Variants in PDE10A observed in about 807,000 individuals in gnomAD.
The protein encoded by PDE10A is cAMP and cAMP-inhibited cGMP 3',5'-cyclic phosphodiesterase 10A.
PDE10A carries 39 observed loss-of-function variants against 97.7 expected under a neutral mutation model. The observed-to-expected ratio is 0.40, with a 90% confidence interval of 0.31 to 0.52. The LOEUF (loss-of-function observed/expected upper bound fraction) is 0.52. Ranked by LOEUF, PDE10A falls within the 20% of genes least tolerant of loss-of-function variation. The pLI is 0.56. For synonymous variants in PDE10A, 371 were observed against 376.8 expected, an observed-to-expected ratio of 0.98 and a Z score of 0.18; for missense variants, 731 against 1,047.8, an observed-to-expected ratio of 0.70 and a Z score of 4.17.
intron 1 of PDE10A, among the ~76,000 whole-genome samples, chr6:165,579,868 T>C (rs1346375218): frequency 5.3e-5 from 8 of 152,088 alleles, no homozygotes; most frequent in Non-Finnish European, 2.9e-5. Flanking sequence ...TTTCCTCAGG[T>C]GTCTACATCA....
chr6:165,626,177 A>C lies in PDE10A; in HGVS notation c.865+35770T>G, dbSNP rs574096811. ...CACATGCTGCCAAGAGGAAATTCTT[A>C]GTTCTCTCCCTCGCATAAGAAAGTC... On this transcript the variant is annotated intron_variant, in intron 1 of 21. Coordinates refer to ENST00000539869, the MANE Select transcript of PDE10A (RefSeq NM_001385079.1). Among the ~76,000 whole-genome samples the C allele has an allele frequency of 1.3e-4, 20 of 152,320 alleles. 1 individual carries two copies. The highest frequency in any genetic ancestry group is 4.8e-4 in the African/African-American group (20 of 41,574).
chr6:165,952,026 C>T (rs974024213), intron 1 of PDE10A, among the ~76,000 whole-genome samples: 1 of 152,234 alleles, frequency 6.6e-6, no homozygotes, highest in African/African-American at 2.4e-5. Context: ...ATCTCATTCT[C>T]GCAATAGCCT....
chr6:165,646,614 T>A (rs1424622404), intron 1 of PDE10A, among the ~76,000 whole-genome samples: 2 of 152,214 alleles, frequency 1.3e-5, no homozygotes, highest in Non-Finnish European at 2.9e-5. Flanking sequence ...GCACTGCTAG[T>A]CATCTGAGAT....
chr6:165,964,712 A>G lies in PDE10A; in HGVS notation c.-615+22817T>C, dbSNP rs553072117. On this transcript the variant is annotated intron_variant, in intron 1 of 19. Transcript: ENST00000366882. ...TAGAAGGAGATGGCCATGTAAATACATAATTACTGGAGAGATGTGTACATG... is the reference window on the plus strand; with the variant it reads ...TAGAAGGAGATGGCCATGTAAATACGTAATTACTGGAGAGATGTGTACATG... Among the ~76,000 whole-genome samples the G allele has an allele frequency of 5.9e-5, 9 of 152,346 alleles. No homozygotes were observed. The South Asian group carries it at 1.5e-3, about 25-fold the overall frequency.
intron 1 of PDE10A, among the ~76,000 whole-genome samples, chr6:165,979,544 A>G (rs1784947972): frequency 6.6e-6 from 1 of 152,352 alleles, no homozygotes; most frequent in Non-Finnish European, 1.5e-5. Context: ...CTATTAAATA[A>G]GATACTTGTT....
At chr6:165,502,842 T>C (rs536682168) in intron 2 of PDE10A, among the ~76,000 whole-genome samples, 3 of 151,660 alleles carry the variant, frequency 2.0e-5, no homozygotes, top group South Asian at 2.1e-4. Context: ...TAGAGGAGGG[T>C]GGAGGGTGTA....
chr6:165,530,873 C>T (rs1450875245), intron 2 of PDE10A, among the ~76,000 whole-genome samples: 1 of 152,132 alleles, frequency 6.6e-6, no homozygotes, highest in African/African-American at 2.4e-5. Flanking sequence ...CCAAACAATA[C>T]TATGAAAATT....
chr6:165,550,784 C>T (rs1783975491), intron 1 of PDE10A, among the ~76,000 whole-genome samples: 1 of 152,114 alleles, frequency 6.6e-6, no homozygotes, highest in East Asian at 1.9e-4. Flanking sequence ...CTGGAATGGG[C>T]TACATGAGCA....
At chr6:165,806,554 CG>C (rs1779146052) in intron 1 of PDE10A, among the ~76,000 whole-genome samples, 1 of 152,178 alleles carries the variant, frequency 6.6e-6, no homozygotes, top group African/African-American at 2.4e-5. Context: ...TGGCCTCACT[CG>C]TGGGATGTGC....
chr6:165,433,300 C>A (rs1014285643), intron 6 of PDE10A, among the ~76,000 whole-genome samples, 171 bp from the exon 7 acceptor site: 3 of 152,092 alleles, frequency 2.0e-5, no homozygotes, highest in African/African-American at 7.2e-5. Context: ...AAAATGCTTA[C>A]TTTTTCATGG....
At chr6:165,537,288 G>T (rs1783147729) in intron 2 of PDE10A, among the ~76,000 whole-genome samples, 1 of 152,028 alleles carries the variant, frequency 6.6e-6, no homozygotes, top group African/African-American at 2.4e-5. Flanking sequence ...GGGAACACCA[G>T]TGAGAAGAAA....
At chr6:165,565,164 T>C (rs1784713540) in intron 1 of PDE10A, among the ~76,000 whole-genome samples, 1 of 152,136 alleles carries the variant, frequency 6.6e-6, no homozygotes, top group South Asian at 2.1e-4. Context: ...GAAATAAAAC[T>C]GTTCACAGAT....
intron 1 of PDE10A, among the ~76,000 whole-genome samples, chr6:165,577,435 TG>T (rs1315661137): frequency 3.3e-5 from 5 of 152,260 alleles, no homozygotes; most frequent in African/African-American, 1.2e-4. Context: ...CAAGAAACTC[TG>T]GGAAGTCTTC....
chr6:165,418,841 T>C lies in PDE10A; in HGVS notation c.1654-64A>G, dbSNP rs941267238. 2.2e-6 allele frequency: 3 copies of C among 1,377,632 alleles called. No individual in the cohort carries two copies. The African/African-American group carries it at 4.3e-5, about 20-fold the overall frequency. 85.3% of individuals were successfully genotyped at this position (1,377,632 alleles called of 1,614,324 possible). On this transcript the variant is annotated intron_variant, in intron 10 of 21. Transcript: ENST00000539869. The surrounding 1 kb of genome is among the most constrained non-coding windows in gnomAD (Gnocchi z 4.8). ...CATTCAAAGAACTTGCAGGTAAACT[T>C]TATCATAAAATAAGTATTAATTTCA...
intron 1 of PDE10A, among the ~76,000 whole-genome samples, chr6:165,572,377 T>C (rs1163525528): frequency 1.3e-5 from 2 of 152,228 alleles, no homozygotes; most frequent in African/African-American, 4.8e-5. Flanking sequence ...ACTTCATATA[T>C]GAAAGTTGCT....
chr6:165,346,007 T>C (rs1251279183), intron 18 of PDE10A, among the ~76,000 whole-genome samples: 1 of 152,184 alleles, frequency 6.6e-6, no homozygotes, highest in African/African-American at 2.4e-5. Context: ...AGAAATGCCA[T>C]TATGGCTGCG....
At chr6:165,931,980 G>A (rs775402139) in intron 1 of PDE10A, among the ~76,000 whole-genome samples, 4 of 152,210 alleles carry the variant, frequency 2.6e-5, no homozygotes, top group Non-Finnish European at 5.9e-5. Context: ...AAAGGTCAGA[G>A]TCCCCTCACG....
At chr6:165,838,301 T>C (rs1780121762) in intron 1 of PDE10A, among the ~76,000 whole-genome samples, 2 of 152,230 alleles carry the variant, frequency 1.3e-5, no homozygotes, top group African/African-American at 4.8e-5. Context: ...CGGGAAATAA[T>C]ACATATAAAC....
chr6:165,783,647 C>T lies in PDE10A; in HGVS notation c.-615+203882G>A, dbSNP rs138032112. 1.9e-3 allele frequency among the ~76,000 whole-genome samples: 285 copies of T among 152,290 alleles called. 1 individual carries two copies. Among genetic ancestry groups the T allele is most frequent in the African/African-American group, 6.4e-3 (268 of 41,560 alleles). ...ATATCATCAGTTTAGAGAAATCTCA[C>T]ATTCAGAGCAAAGGTATCACAGAAT... On this transcript the variant is annotated intron_variant, in intron 1 of 19. Coordinates refer to the PDE10A transcript ENST00000366882.
Sources: allele counts gnomAD v4.1 joint callset (sites outside exome capture counted in the v4.1 genomes callset), GRCh38; gene constraint gnomAD v4.1.1; non-coding constraint Gnocchi (gnomAD v3.1); transcripts MANE v1.5; gene names NCBI Gene and HGNC (gene_info 2026-07-23, HGNC 2026-07-21).